The following ZNF318 variants were observed in gnomAD, a reference collection of about 807,000 sequenced individuals.
ZNF318 encodes endocrine regulator.
ZNF318 carries 51 observed loss-of-function variants against 124.2 expected under a neutral mutation model. The ratio of observed to expected loss-of-function variants is 0.41; its 90% confidence interval spans 0.33 to 0.52. ZNF318 has a LOEUF of 0.52. Ranked by LOEUF, ZNF318 falls within the 20% of genes least tolerant of loss-of-function variation. The pLI is 0.23. For synonymous variants in ZNF318, 1,090 were observed against 1,040.7 expected, an observed-to-expected ratio of 1.05 and a Z score of -0.91; for missense variants, 2,815 against 2,811.2, an observed-to-expected ratio of 1.00 and a Z score of -0.03.
intron 8 of ZNF318, among the ~76,000 whole-genome samples, chr6:43,341,654 GAAAAA>G (rs11357632): frequency 4.1e-5 from 5 of 122,384 alleles, no homozygotes; most frequent in Non-Finnish European, 5.2e-5. Context: ...CATCTCAGAG[GAAAAA>G]AAAAAAAAAA....
rs1201267375 is a variant in ZNF318, at chr6:43,337,698, A to G, written c.6300T>C (p.Pro2100=). 1 of 1,614,172 alleles carries G rather than the reference A, an allele frequency of 6.2e-7. No homozygotes were observed. Among genetic ancestry groups the G allele is most frequent in the Non-Finnish European group, 8.5e-7 (1 of 1,180,016 alleles). The stretch of plus-strand genomic sequence containing the variant: ...GTCCAGTTTTCAAAATGTTAGGAGA[A>G]GGGATCCTAACACTCCTGGGATTAG... ...NSPNPRSVRI[P]SPNILKTGLT... Residue 2100 remains proline (P), a synonymous_variant, in exon 10 of 10, where the codon CCT becomes CCC. Coordinates refer to ENST00000361428, the MANE Select transcript of ZNF318 (RefSeq NM_014345.3).
At position 43,356,227 on chromosome 6, in the gene ZNF318, G is replaced by T. The variant is rs982881364; in HGVS notation, c.1189-82C>A. On this transcript the variant is annotated intron_variant, in intron 3 of 9. Coordinates refer to ENST00000361428, the MANE Select transcript of ZNF318 (RefSeq NM_014345.3). ...TTGAGATAAATACTTAAATACTTTG[G>T]TCTTCCTGAATTAACAGGTGAGATA... The T allele has an allele frequency of 5.5e-6, 8 of 1,443,330 alleles. No individual in the cohort carries two copies. In the African/African-American group the frequency reaches 1.1e-4, roughly 20 times the overall value. The allele number at this position is 1,443,330 out of a possible 1,614,324, so 89.4% of individuals were successfully genotyped here.
At position 43,338,523 on chromosome 6, in the gene ZNF318, C is replaced by T. The variant is rs1274955273; in HGVS notation, c.5475G>A (p.Gln1825=). The T allele has an allele frequency of 6.2e-7, 1 of 1,614,194 alleles. No individual in the cohort carries two copies. Among genetic ancestry groups the T allele is most frequent in the Non-Finnish European group, 8.5e-7 (1 of 1,180,032 alleles). The part of the protein sequence containing the change: ...NRYMWEGEVK[Q]PNLLMIDKEA... Reference sequence around the variant, plus strand: ...CTTTGTCAATCATTAGCAAGTTGGGCTGTTTTACTTCTCCCTCCCACATGT... The same window carrying T: ...CTTTGTCAATCATTAGCAAGTTGGGTTGTTTTACTTCTCCCTCCCACATGT... Residue 1825 remains glutamine (Q), a synonymous_variant, in exon 10 of 10, where the codon CAG becomes CAA. Transcript: ENST00000361428.
Position 43,337,895 on chromosome 6 carries a change from A to G in ZNF318, c.6103T>C (p.Ser2035Pro), listed in dbSNP as rs1779309533. 4.3e-6 allele frequency: 7 copies of G among 1,614,076 alleles called. No individual in the cohort carries two copies. The highest frequency in any genetic ancestry group is 5.9e-6 in the Non-Finnish European group (7 of 1,180,046). Residue 2035 changes from serine to proline, a missense_variant, in exon 10 of 10, where the codon TCC becomes CCC. Physicochemically the swap from Ser to Pro is moderately conservative, Grantham distance 74 (BLOSUM62 -1). This residue lies in a region of ZNF318 where 927 missense variants were observed against 820.6 expected (regional missense o/e 1.13). Coordinates refer to ENST00000361428, the MANE Select transcript of ZNF318 (RefSeq NM_014345.3). ...ACTTTCTGACACAAGACAGTTGGGG[A>G]TCTATGTGCTGGGCTTACCCGAGTA... ...CTTRVSPAHR[S>P]PTVLCQKVCE...
Position 43,339,881 on chromosome 6 carries a change from G to A in ZNF318, c.4117C>T (p.Leu1373Phe). 6.2e-7 allele frequency: 1 copy of A among 1,614,188 alleles called. No homozygotes were observed. Among genetic ancestry groups the A allele is most frequent in the Non-Finnish European group, 8.5e-7 (1 of 1,180,022 alleles). Residue 1373 changes from leucine to phenylalanine, a missense_variant, in exon 10 of 10, where the codon CTT becomes TTT. This residue lies in a region of ZNF318 where 500 missense variants were observed against 605.2 expected (regional missense o/e 0.83). Coordinates refer to ENST00000361428, the MANE Select transcript of ZNF318 (RefSeq NM_014345.3). This position sits in a 1 kb window ranked among gnomAD's most constrained non-coding sequence, Gnocchi z 4.2. ...CSATMSKPAP[L>F]NTFLSIKSSG... ...GACTTAATAGACAGAAAGGTGTTAAGAGGAGCTGGCTTGCTCATTGTGGCT... is the reference window on the plus strand; with the variant it reads ...GACTTAATAGACAGAAAGGTGTTAAAAGGAGCTGGCTTGCTCATTGTGGCT...
intron 5 of ZNF318, among the ~76,000 whole-genome samples, chr6:43,349,976 G>T (rs1397962771): frequency 6.6e-6 from 1 of 152,108 alleles, no homozygotes; most frequent in Non-Finnish European, 1.5e-5. Context: ...AAGGCCGGGT[G>T]GGGTGGCTCA....
Position 43,357,665 on chromosome 6 carries a change from A to C in ZNF318, c.649T>G (p.Leu217Val). ...SQEEGPLSPF[L>V]GQLDEDYRTK... is the part of the protein sequence containing the mutation. ...CGGTAGTCCTCATCAAGTTGTCCCA[A>C]GAAGGGACTGAGAGGCCCTTCCTCC... is the stretch of plus-strand genomic sequence containing the variant. The change falls in exon 3 of 10, where the codon TTG becomes GTG. Residue 217 changes from leucine (L) to valine (V), a missense_variant. This residue lies in a region of ZNF318 where 1,377 missense variants were observed against 1,353.5 expected (regional missense o/e 1.02). Transcript: ENST00000361428. 6.2e-7 allele frequency: 1 copy of C among 1,613,956 alleles called. No individual in the cohort carries two copies. Among genetic ancestry groups the C allele is most frequent in the Non-Finnish European group, 8.5e-7 (1 of 1,180,022 alleles).
intron 3 of ZNF318, among the ~76,000 whole-genome samples, 168 bp downstream of exon 3, chr6:43,356,958 T>A (rs901341905): frequency 6.6e-6 from 1 of 152,208 alleles, no homozygotes; most frequent in African/African-American, 2.4e-5. Flanking sequence ...TACTGATGCA[T>A]TAAAAGGCCT....
intron 5 of ZNF318, among the ~76,000 whole-genome samples, chr6:43,349,536 T>C (rs1295211049): frequency 6.6e-6 from 1 of 152,106 alleles, no homozygotes; most frequent in African/African-American, 2.4e-5. Context: ...GCTTTTTTAA[T>C]GTTATCTCCT....
chr6:43,355,065 C>T lies in ZNF318; in HGVS notation c.2269G>A (p.Ala757Thr). Residue 757 changes from alanine to threonine, a missense_variant, in exon 4 of 10, where the codon GCT becomes ACT. Ala to Thr is a moderately conservative substitution (Grantham distance 58, BLOSUM62 0). This residue lies in a region of ZNF318 where 1,377 missense variants were observed against 1,353.5 expected (regional missense o/e 1.02). Coordinates refer to ENST00000361428, the MANE Select transcript of ZNF318 (RefSeq NM_014345.3). ...CTTGGCATGTGAAACTGAGATAAAGCAGCAGTGTGTGGAAGTCTAATTGGG... is the reference window on the plus strand; with the variant it reads ...CTTGGCATGTGAAACTGAGATAAAGTAGCAGTGTGTGGAAGTCTAATTGGG... ...SAPIRLPHTA[A>T]LSQFHMPRAS... is the part of the protein sequence containing the mutation. 6.2e-7 allele frequency: 1 copy of T among 1,614,164 alleles called. No homozygotes were observed. The highest frequency in any genetic ancestry group is 1.1e-5 in the South Asian group (1 of 91,078).
intron 6 of ZNF318, among the ~76,000 whole-genome samples, chr6:43,345,915 G>A (rs1779432651): frequency 6.6e-6 from 1 of 151,954 alleles, no homozygotes; most frequent in Non-Finnish European, 1.5e-5. Context: ...TTCAACACCA[G>A]CCTGGGGACG....
At position 43,358,487 on chromosome 6, in the gene ZNF318, C is replaced by T. The variant is rs190424602; in HGVS notation, c.549-722G>A. Among the ~76,000 whole-genome samples, 599 of 143,834 alleles carry T rather than the reference C, an allele frequency of 4.2e-3. 8 individuals carry two copies. The highest frequency in any genetic ancestry group is 3.0e-3 in the Non-Finnish European group (202 of 66,714). 94.4% of individuals were successfully genotyped at this position (143,834 alleles called of 152,430 possible). The stretch of plus-strand genomic sequence containing the variant: ...CCATGTTAGCCAGGATGGTCTTGAT[C>T]TCCTGACCTAGTGATCAGCCCGCCT... On this transcript the variant is annotated intron_variant, in intron 2 of 9. Transcript: ENST00000361428.
Position 43,337,555 on chromosome 6 carries a change from T to TAA in ZNF318, c.6442_6443insTT (p.Gln2148LeufsTer9). 1 of 1,614,064 alleles carries TAA rather than the reference T, an allele frequency of 6.2e-7. No individual in the cohort carries two copies. ...TTTTAATTCCAATCCGAGTGACTCT[T>TAA]GTTTGTCTAATTGGGAAGATTCTTT... On this transcript the variant is annotated frameshift_variant, in exon 10 of 10. Coordinates refer to ENST00000361428, the MANE Select transcript of ZNF318 (RefSeq NM_014345.3). LOFTEE classifies it low-confidence loss of function (END_TRUNC).
chr6:43,340,233 G>A lies in ZNF318; in HGVS notation c.3765C>T (p.Ile1255=). 1 of 1,614,136 alleles carries A rather than the reference G, an allele frequency of 6.2e-7. No homozygotes were observed. The highest frequency in any genetic ancestry group is 8.5e-7 in the Non-Finnish European group (1 of 1,180,034). ...EKAENKRNTG[I]KLQLKEEVKK... ...TTACCTCTTCTTTTAACTGGAGTTT[G>A]ATGCCAGTGTTCCTTTTATTTTCAG... Residue 1255 remains isoleucine (I), a synonymous_variant, in exon 10 of 10, where the codon ATC becomes ATT. Coordinates refer to ENST00000361428, the MANE Select transcript of ZNF318 (RefSeq NM_014345.3).
At chr6:43,367,662 T>C (rs185664334) in intron 1 of ZNF318, among the ~76,000 whole-genome samples, 1 of 152,276 alleles carries the variant, frequency 6.6e-6, no homozygotes, top group South Asian at 2.1e-4. Flanking sequence ...CTGGAGCAAA[T>C]ACATTGCGCA....
chr6:43,343,285 A>G (rs1476630659), intron 6 of ZNF318, among the ~76,000 whole-genome samples: 1 of 152,194 alleles, frequency 6.6e-6, no homozygotes, highest in Non-Finnish European at 1.5e-5. Context: ...TTTGAAAATC[A>G]TGACAGCTAG....
chr6:43,342,036 T>A (rs758472172), intron 8 of ZNF318, 76 bp downstream of exon 8: 3 of 1,303,022 alleles, frequency 2.3e-6, no homozygotes, highest in Non-Finnish European at 3.3e-6. Flanking sequence ...TGCTGCTTCC[T>A]ACAATGTTAG....
chr6:43,368,795 G>C, intron 1 of ZNF318, 172 bp downstream of exon 1: 1 of 985,020 alleles, frequency 1.0e-6, no homozygotes, highest in Non-Finnish European at 1.2e-6. Context: ...CCGTTATTGT[G>C]TCAACGCTCC....
At chr6:43,350,381 A>G (rs569228235) in intron 5 of ZNF318, among the ~76,000 whole-genome samples, 1 of 152,362 alleles carries the variant, frequency 6.6e-6, no homozygotes, top group African/African-American at 2.4e-5. Flanking sequence ...GAAAATAAAT[A>G]ATGATAATAA....
Sources: allele counts gnomAD v4.1 joint callset (sites outside exome capture counted in the v4.1 genomes callset), GRCh38; gene constraint gnomAD v4.1.1; regional missense constraint gnomAD v4.1.1; non-coding constraint Gnocchi (gnomAD v3.1); transcripts MANE v1.5; gene names NCBI Gene and HGNC (gene_info 2026-07-23, HGNC 2026-07-21).